The following IL1RAPL2 variants were observed in gnomAD, a reference collection of about 807,000 sequenced individuals.
IL1RAPL2 encodes X-linked interleukin-1 receptor accessory protein-like 2.
IL1RAPL2 carries 3 observed loss-of-function variants against 44.1 expected under a neutral mutation model. The observed-to-expected ratio is 0.07, with a 90% CI of 0.03 to 0.18. The LOEUF (loss-of-function observed/expected upper bound fraction) is 0.18. Among genes scored for constraint, IL1RAPL2 ranks in the 10% least tolerant of loss-of-function variants. The probability of loss-of-function intolerance (pLI) is 1.00; values close to 1 mark genes in which losing one functional copy is unlikely to be tolerated. For missense variants in IL1RAPL2, 391 were observed against 496.4 expected (o/e 0.79, Z 2.02); for synonymous variants, 181 against 178.8 (o/e 1.01, Z -0.10).
At chrX:105,470,583 C>T (rs1160094633) in intron 5 of IL1RAPL2, among the ~76,000 whole-genome samples, 2 of 111,916 alleles carry the variant, frequency 1.8e-5, no homozygotes, top group Non-Finnish European at 3.8e-5. Flanking sequence ...AGCTTAATTT[C>T]CTTTTTGGCT....
chrX:104,855,681 G>GTGTTT lies in IL1RAPL2; in HGVS notation c.82+196687_82+196688insGTTTT. Among the ~76,000 whole-genome samples the GTGTTT allele has an allele frequency of 7.1e-4, 38 of 53,865 alleles. 7 individuals carry two copies. Among genetic ancestry groups the GTGTTT allele is most frequent in the African/African-American group, 1.2e-3 (20 of 16,527 alleles). 46.8% of individuals were successfully genotyped at this position (53,865 alleles called of 115,157 possible). A position where few individuals can be genotyped will look rare whatever the true frequency, so the allele number is the denominator to read the frequency against. Reference sequence around the variant, plus strand: ...TTAACTGTGCTAAGGATCTGGATCCGTTTTTTTTTTTTTTTTTACTGTATC... The same window carrying GTGTTT: ...TTAACTGTGCTAAGGATCTGGATCCGTGTTTTTTTTTTTTTTTTTTTTACTGTATC... On this transcript the variant is annotated intron_variant, in intron 2 of 10. Transcript: ENST00000372582.
At chrX:105,532,007 GA>G (rs1469440684) in intron 6 of IL1RAPL2, among the ~76,000 whole-genome samples, 5 of 111,487 alleles carry the variant, frequency 4.5e-5, no homozygotes, top group Admixed American at 2.9e-4. Context: ...CCAGTTTTTT[GA>G]AATTCCTCCA....
chrX:104,735,986 T>C (rs1262630546), intron 2 of IL1RAPL2, among the ~76,000 whole-genome samples: 1 of 111,169 alleles, frequency 9.0e-6, no homozygotes, highest in Non-Finnish European at 1.9e-5. Flanking sequence ...ATGTTTCCCA[T>C]CACACACCAT....
chrX:105,222,793 A>G (rs1270937743), intron 3 of IL1RAPL2, among the ~76,000 whole-genome samples: 1 of 111,470 alleles, frequency 9.0e-6, no homozygotes, highest in African/African-American at 3.3e-5. Context: ...CCTGTTATTG[A>G]CTAGTTGGAG....
At chrX:104,635,897 C>G (rs1431353129) in intron 1 of IL1RAPL2, among the ~76,000 whole-genome samples, 2 of 112,184 alleles carry the variant, frequency 1.8e-5, no homozygotes, top group African/African-American at 6.5e-5. Flanking sequence ...GAGCTGCATT[C>G]CTTTGGAGGA....
rs112077659 is a variant in IL1RAPL2, at chrX:105,001,972, G to A, written c.83-193503G>A. Among the ~76,000 whole-genome samples, 336 of 111,110 alleles carry A rather than the reference G, an allele frequency of 3.0e-3. 2 individuals are homozygous for A. Among genetic ancestry groups the A allele is most frequent in the African/African-American group, 0.01 (321 of 30,661 alleles). ...TCAAAATCTAGTTAGGTTGGTAATTGGGACCAAAGTGAAAGCAAAGGGGGT... is the reference window on the plus strand; with the variant it reads ...TCAAAATCTAGTTAGGTTGGTAATTAGGACCAAAGTGAAAGCAAAGGGGGT... On this transcript the variant is annotated intron_variant, in intron 2 of 10. Coordinates refer to ENST00000372582, the MANE Select transcript of IL1RAPL2 (RefSeq NM_017416.2).
intron 2 of IL1RAPL2, among the ~76,000 whole-genome samples, chrX:104,842,215 C>T (rs904919213): frequency 6.4e-5 from 7 of 109,715 alleles, no homozygotes; most frequent in South Asian, 4.0e-4. Flanking sequence ...ACGAAGTTCT[C>T]GTGCTGTGTT....
At chrX:104,990,020 G>T (rs1483923250) in intron 2 of IL1RAPL2, among the ~76,000 whole-genome samples, 1 of 111,810 alleles carries the variant, frequency 8.9e-6, no homozygotes, top group Non-Finnish European at 1.9e-5. Flanking sequence ...TTTCTGTGAT[G>T]AAGTTAGGAA....
chrX:104,886,281 A>T (rs377591977), intron 2 of IL1RAPL2, among the ~76,000 whole-genome samples: 4 of 111,779 alleles, frequency 3.6e-5, no homozygotes, highest in African/African-American at 1.3e-4. Flanking sequence ...TATGGGGAAC[A>T]AGTTACCCAT....
chrX:104,911,583 G>C (rs1325138430), intron 2 of IL1RAPL2, among the ~76,000 whole-genome samples: 1 of 111,424 alleles, frequency 9.0e-6, no homozygotes, highest in East Asian at 2.8e-4. Flanking sequence ...TTCCTGCAGT[G>C]GTCTCTGTTC....
rs764726821 is a variant in IL1RAPL2 at position 104,930,614 on chromosome X, A to G, written c.83-264861A>G. On this transcript the variant is annotated intron_variant, in intron 2 of 10. Coordinates refer to ENST00000372582, the MANE Select transcript of IL1RAPL2 (RefSeq NM_017416.2). ...TGACTTATTTAGGGACATACAACAAATAAGTGTTAGAATAGGCATTTGAAT... is the reference window on the plus strand; with the variant it reads ...TGACTTATTTAGGGACATACAACAAGTAAGTGTTAGAATAGGCATTTGAAT... Among the ~76,000 whole-genome samples the G allele has an allele frequency of 8.0e-5, 9 of 111,821 alleles. 1 individual carries two copies. Among genetic ancestry groups the G allele is most frequent in the Non-Finnish European group, 1.5e-4 (8 of 53,193 alleles).
At chrX:104,749,664 G>A (rs1391591352) in intron 2 of IL1RAPL2, among the ~76,000 whole-genome samples, 1 of 111,180 alleles carries the variant, frequency 9.0e-6, no homozygotes, top group Non-Finnish European at 1.9e-5. Context: ...TAGAAAGGGT[G>A]GAATATATGT....
intron 2 of IL1RAPL2, among the ~76,000 whole-genome samples, chrX:105,056,799 C>A (rs773514158): frequency 8.9e-6 from 1 of 112,210 alleles, no homozygotes; most frequent in African/African-American, 3.2e-5. Context: ...GCAGACTCTA[C>A]TTCAGTAAAA....
chrX:105,626,328 G>A (rs916323877), intron 6 of IL1RAPL2, among the ~76,000 whole-genome samples: 6 of 111,409 alleles, frequency 5.4e-5, no homozygotes, highest in Non-Finnish European at 1.1e-4. Context: ...CTGCTGTAAG[G>A]CATTAATGAG....
At chrX:105,410,817 A>G (rs1055348483) in intron 5 of IL1RAPL2, among the ~76,000 whole-genome samples, 5 of 111,711 alleles carry the variant, frequency 4.5e-5, no homozygotes, top group Non-Finnish European at 9.4e-5. Context: ...TACCAATGTG[A>G]AAACATGTGA....
intron 3 of IL1RAPL2, chrX:105,220,355 T>C (rs1463973875): frequency 8.3e-6 from 10 of 1,200,791 alleles, no homozygotes; most frequent in South Asian, 3.6e-5. Context: ...ACCACGTTGC[T>C]ATGCCGGAAC....
At chrX:104,674,264 A>G (rs761392905) in intron 2 of IL1RAPL2, among the ~76,000 whole-genome samples, 2 of 111,714 alleles carry the variant, frequency 1.8e-5, no homozygotes, top group African/African-American at 6.5e-5. Flanking sequence ...TTATTTTGAA[A>G]TACGTCCCAT....
intron 6 of IL1RAPL2, among the ~76,000 whole-genome samples, chrX:105,692,196 G>A (rs1018847059): frequency 3.6e-5 from 4 of 111,432 alleles, no homozygotes; most frequent in East Asian, 2.8e-4. Flanking sequence ...CACAACAATC[G>A]TTACAACGAT....
At chrX:105,740,104 G>C (rs1046392783) in intron 7 of IL1RAPL2, among the ~76,000 whole-genome samples, 62 of 109,608 alleles carry the variant, frequency 5.7e-4, no homozygotes, top group Non-Finnish European at 1.0e-3. Context: ...GGCCAGTGAT[G>C]ATGGGCAGTT....
Sources: allele counts gnomAD v4.1 joint callset (sites outside exome capture counted in the v4.1 genomes callset), GRCh38; gene constraint gnomAD v4.1.1; transcripts MANE v1.5; gene names NCBI Gene and HGNC (gene_info 2026-07-23, HGNC 2026-07-21).